SHF: variants seen among roughly 807,000 people sequenced by gnomAD.
The protein encoded by SHF is Src homology 2 domain containing F.
SHF carries 30 observed loss-of-function variants against 42.4 expected under a neutral mutation model. The observed-to-expected ratio is 0.71, with a 90% CI of 0.53 to 0.96. SHF has a LOEUF of 0.96. SHF is among the 40% of genes least tolerant of loss of function. SHF has a pLI of 0.00. For missense variants in SHF, 598 were observed against 634.0 expected (o/e 0.94, Z 0.61); for synonymous variants, 264 against 269.9 (o/e 0.98, Z 0.21).
At chr15:45,193,011 G>A (rs966161955) in intron 2 of SHF, among the ~76,000 whole-genome samples, 4 of 152,056 alleles carry the variant, frequency 2.6e-5, no homozygotes, top group Non-Finnish European at 5.9e-5. Context: ...GGAGTCCACC[G>A]GATCTCTCCA....
chr15:45,186,706 A>G (rs1383247586), intron 1 of SHF, among the ~76,000 whole-genome samples: 1 of 152,236 alleles, frequency 6.6e-6, no homozygotes, highest in African/African-American at 2.4e-5. Context: ...GAGAGGAGGA[A>G]TGGGCTCAGC....
exon 2 of SHF, chr15:45,198,896 C>G: frequency 1.2e-6 from 2 of 1,614,014 alleles, no homozygotes; most frequent in Non-Finnish European, 1.7e-6. Flanking sequence ...GATGGGCTCC[C>G]GGTGAGCGCA....
At chr15:45,172,394 C>T in intron 4 of SHF, 76 bp from the exon 5 acceptor site, 1 of 1,401,664 alleles carries the variant, frequency 7.1e-7, no homozygotes. Flanking sequence ...AGCCAGTGCC[C>T]AACCCCTACT....
At chr15:45,195,005 T>C (rs912448761) in intron 2 of SHF, among the ~76,000 whole-genome samples, 4 of 149,284 alleles carry the variant, frequency 2.7e-5, no homozygotes, top group Non-Finnish European at 5.9e-5. Flanking sequence ...AATATTTTGA[T>C]TTTTTTTGCA....
chr15:45,191,636 A>G (rs542939329), upstream of SHF, among the ~76,000 whole-genome samples: 17 of 152,340 alleles, frequency 1.1e-4, no homozygotes, highest in African/African-American at 4.1e-4. Flanking sequence ...TGTCTTTCTT[A>G]TTCTTAGTTT....
At chr15:45,168,386 G>T (rs75704524) in intron 6 of SHF, among the ~76,000 whole-genome samples, 6 of 152,288 alleles carry the variant, frequency 3.9e-5, no homozygotes, top group Admixed American at 1.3e-4. Flanking sequence ...GAGCATACAG[G>T]GTGTGTGCAG....
At chr15:45,182,130 G>C (rs1482629945) in intron 1 of SHF, among the ~76,000 whole-genome samples, 2 of 152,164 alleles carry the variant, frequency 1.3e-5, no homozygotes, top group African/African-American at 4.8e-5. Flanking sequence ...CTGCCATCTG[G>C]TTCCTCTTCC....
At chr15:45,177,558 C>G (rs909852881) in intron 2 of SHF, among the ~76,000 whole-genome samples, 3 of 152,194 alleles carry the variant, frequency 2.0e-5, no homozygotes, top group African/African-American at 7.2e-5. Context: ...ACTCTCTCAT[C>G]TAGGTTCCCA....
chr15:45,187,615 A>AC lies in SHF; in HGVS notation c.336dup (p.Ser113ValfsTer42). 2 of 1,226,352 alleles carry AC rather than the reference A, an allele frequency of 1.6e-6. No individual in the cohort carries two copies. The highest frequency in any genetic ancestry group is 2.0e-6 in the Non-Finnish European group (2 of 985,972). 76.0% of individuals were successfully genotyped at this position (1,226,352 alleles called of 1,614,324 possible). On this transcript the variant is annotated frameshift_variant, in exon 1 of 7. Transcript: ENST00000690270. LOFTEE classifies it high-confidence loss of function. ...GTGGCGAGGGCGGCGGAGCCGGACG[A>AC]CCCCCCGGAGTAGGGGTCTTCGAAG...
At position 45,187,798 on chromosome 15, in the gene SHF, G is replaced by A; in HGVS notation, c.154C>T (p.Arg52Trp). 1 of 844,446 alleles carries A rather than the reference G, an allele frequency of 1.2e-6. No individual in the cohort carries two copies. The highest frequency in any genetic ancestry group is 5.6e-5 in the South Asian group (1 of 17,758). The allele number at this position is 844,446 out of a possible 1,614,324, so 52.3% of individuals were successfully genotyped here. Reference protein sequence around the residue: ...GGSGGVAKWLREHLGFRGGGG... With the variant: ...GGSGGVAKWLWEHLGFRGGGG... ...CCCCCGCGGAAGCCCAGGTGCTCCC[G>A]GAGCCACTTGGCTACTCCGCCGCTG... Residue 52 changes from arginine to tryptophan, a missense_variant, in exon 1 of 7, where the codon CGG becomes TGG. By Grantham distance (101) the Arg-to-Trp change is moderately radical. Transcript: ENST00000690270.
intron 1 of SHF, among the ~76,000 whole-genome samples, chr15:45,186,626 T>A (rs1318189611): frequency 2.0e-5 from 3 of 152,252 alleles, no homozygotes; most frequent in Non-Finnish European, 4.4e-5. Context: ...CTCCCTATCC[T>A]GGTGCCTGCA....
chr15:45,175,936 A>G lies in SHF; in HGVS notation c.641-511T>C, dbSNP rs527836084. Among the ~76,000 whole-genome samples, 135 of 150,386 alleles carry G rather than the reference A, an allele frequency of 9.0e-4. 1 individual carries two copies. In the South Asian group the frequency reaches 0.027, roughly 30 times the overall value. On this transcript the variant is annotated intron_variant, in intron 2 of 6. Coordinates refer to ENST00000690270, the MANE Select transcript of SHF (RefSeq NM_001394037.1). ...CCGGTTCAAGCGATTCTCCCACCTCAGCCTCCTGAGTAGCTGGGATTACAG... is the reference window on the plus strand; with the variant it reads ...CCGGTTCAAGCGATTCTCCCACCTCGGCCTCCTGAGTAGCTGGGATTACAG...
intron 1 of SHF, among the ~76,000 whole-genome samples, chr15:45,186,189 T>C (rs1898387860): frequency 6.6e-6 from 1 of 152,244 alleles, no homozygotes; most frequent in South Asian, 2.1e-4. Flanking sequence ...CCCTTGAACC[T>C]TCCTCTGCAG....
intron 1 of SHF, 41 bp downstream of exon 1, chr15:45,187,413 C>T: frequency 8.1e-7 from 1 of 1,231,530 alleles, no homozygotes; most frequent in Non-Finnish European, 1.0e-6. Context: ...GACCCCTGAC[C>T]GCCTTCCCTC....
chr15:45,197,249 TAAAAAA>T (rs144408027), intron 2 of SHF, among the ~76,000 whole-genome samples: 72 of 122,622 alleles, frequency 5.9e-4, no homozygotes, highest in Non-Finnish European at 5.7e-4. Flanking sequence ...ACCTTGTCTC[TAAAAAA>T]AAAAAAAAAA....
In SHF at chr15:45,198,752, T is replaced by A. The variant is rs772283789; in HGVS notation, c.303+20A>T. ...GTCATAGGCCTTCCCAGTTTGCGCG[T>A]CATTAAATGGCCTACTTACGGGGCG... On this transcript the variant is annotated intron_variant, in intron 2 of 7. Coordinates refer to the SHF transcript ENST00000290894. 4.4e-6 allele frequency: 7 copies of A among 1,600,220 alleles called. No individual in the cohort carries two copies. In the South Asian group the frequency reaches 7.8e-5, roughly 18 times the overall value.
intron 3 of SHF, among the ~76,000 whole-genome samples, 186 bp downstream of exon 3, chr15:45,175,033 G>C (rs1056867542): frequency 1.3e-5 from 2 of 151,996 alleles, no homozygotes; most frequent in Non-Finnish European, 2.9e-5. Flanking sequence ...CCCATTCCTT[G>C]ACCCTGCACA....
intron 1 of SHF, chr15:45,200,483 G>A (rs896169010): frequency 2.9e-6 from 1 of 343,252 alleles, no homozygotes. Context: ...TACGATCACG[G>A]CGAGCTACTA....
intron 1 of SHF, among the ~76,000 whole-genome samples, chr15:45,186,672 C>A (rs1159834487): frequency 6.6e-6 from 1 of 152,242 alleles, no homozygotes; most frequent in African/African-American, 2.4e-5. Context: ...TCAGAATGGA[C>A]CAGGGGGAGA....
Sources: allele counts gnomAD v4.1 joint callset (sites outside exome capture counted in the v4.1 genomes callset), GRCh38; gene constraint gnomAD v4.1.1; transcripts MANE v1.5; gene names NCBI Gene and HGNC (gene_info 2026-07-23, HGNC 2026-07-21).